Variants in HIVEP1 observed in about 807,000 individuals in gnomAD.
HIVEP1 encodes the protein HIVEP zinc finger 1.
A neutral mutation model predicts 180.0 loss-of-function variants in HIVEP1; 36 were observed. That is an observed-to-expected ratio of 0.20 (90% confidence interval 0.15 to 0.26). The LOEUF is 0.26. Ranked by LOEUF, HIVEP1 falls within the 10% of genes least tolerant of loss-of-function variation. The probability of loss-of-function intolerance (pLI) is 1.00; values close to 1 mark genes in which losing one functional copy is unlikely to be tolerated. For synonymous variants in HIVEP1, 1,239 were observed against 1,239.0 expected (o/e 1.00, Z 0.00); for missense variants, 3,143 against 3,268.7 (o/e 0.96, Z 0.94).
upstream of HIVEP1, among the ~76,000 whole-genome samples, chr6:12,010,917 C>T (rs1767240992): frequency 6.6e-6 from 1 of 152,140 alleles, no homozygotes; most frequent in South Asian, 2.1e-4. Flanking sequence ...CCCGGTCCGA[C>T]GACCAGCCCC....
At chr6:12,105,328 T>C (rs1774357713) in intron 3 of HIVEP1, among the ~76,000 whole-genome samples, 1 of 152,208 alleles carries the variant, frequency 6.6e-6, no homozygotes, top group Admixed American at 6.5e-5. Context: ...CATTTGTACC[T>C]TTATAGCTCC....
At chr6:12,054,749 A>G (rs1581590537) in intron 2 of HIVEP1, among the ~76,000 whole-genome samples, 1 of 152,296 alleles carries the variant, frequency 6.6e-6, no homozygotes. Flanking sequence ...ATTAACATAC[A>G]TGATTTCATG....
Position 12,109,869 on chromosome 6 carries a change from A to G in HIVEP1, c.95-10021A>G, listed in dbSNP as rs569781710. On this transcript the variant is annotated intron_variant, in intron 3 of 8. Coordinates refer to ENST00000379388, the MANE Select transcript of HIVEP1 (RefSeq NM_002114.4). ...AGCTCCATCAGAGGAATCACTGTCTATGACAGCTATCACCTTATGAAATGA... is the reference window on the plus strand; with the variant it reads ...AGCTCCATCAGAGGAATCACTGTCTGTGACAGCTATCACCTTATGAAATGA... Among the ~76,000 whole-genome samples the G allele has an allele frequency of 3.3e-4, 51 of 152,366 alleles. 1 individual carries two copies. In the South Asian group the frequency reaches 7.7e-3, roughly 23 times the overall value.
At chr6:12,210,286 C>T in the HIVEP1 span, among the ~76,000 whole-genome samples, 5 of 152,198 alleles carry the variant, frequency 3.3e-5, no homozygotes, top group Non-Finnish European at 7.3e-5. Flanking sequence ...TTACAAAGCA[C>T]GTTATGCCTC....
At chr6:12,154,962 T>G (rs1459757793) in intron 7 of HIVEP1, among the ~76,000 whole-genome samples, 2 of 152,260 alleles carry the variant, frequency 1.3e-5, no homozygotes, top group Non-Finnish European at 2.9e-5. Context: ...TTCTCTATTT[T>G]TCTTTTTTCA....
At chr6:12,126,434 T>C (rs548656574) in intron 4 of HIVEP1, among the ~76,000 whole-genome samples, 7 of 152,340 alleles carry the variant, frequency 4.6e-5, no homozygotes, top group Non-Finnish European at 8.8e-5. Flanking sequence ...ATAATTCATA[T>C]ACTTGGTAAG....
Position 12,061,460 on chromosome 6 carries a change from C to A in HIVEP1, c.41-27724C>A, listed in dbSNP as rs1771227070. Among the ~76,000 whole-genome samples the A allele has an allele frequency of 3.9e-5, 6 of 152,214 alleles. No individual in the cohort carries two copies. In the Middle Eastern group the frequency reaches 0.014, roughly 345 times the overall value. On this transcript the variant is annotated intron_variant, in intron 2 of 8. Transcript: ENST00000379388. ...TTACTAACCTGGTATCATTGTTATA[C>A]AGATATTACAGAGTGGTGTAGCTGG...
At chr6:12,198,924 C>A in the HIVEP1 span, among the ~76,000 whole-genome samples, 1 of 152,112 alleles carries the variant, frequency 6.6e-6, no homozygotes, top group African/African-American at 2.4e-5. Context: ...CAGAGGCCAA[C>A]GACAGACGCA....
At chr6:12,102,382 T>C (rs7768491) in intron 3 of HIVEP1, among the ~76,000 whole-genome samples, 16,096 of 152,108 alleles carry the variant, frequency 0.11, 969 homozygotes, top group Middle Eastern at 0.27. Context: ...ATTGAAATAA[T>C]ATAGTTTGCT....
At chr6:12,042,327 C>T (rs1474890296) in intron 2 of HIVEP1, among the ~76,000 whole-genome samples, 5 of 149,320 alleles carry the variant, frequency 3.3e-5, no homozygotes, top group South Asian at 2.1e-4. Context: ...ATGATCCACC[C>T]GCCTCGGCCT....
the HIVEP1 span, among the ~76,000 whole-genome samples, chr6:12,174,149 A>G: frequency 9.2e-5 from 14 of 152,318 alleles, no homozygotes; most frequent in African/African-American, 3.4e-4. Context: ...TGCAATCATA[A>G]TAATTATTGA....
At chr6:12,201,825 C>T in the HIVEP1 span, among the ~76,000 whole-genome samples, 1 of 151,982 alleles carries the variant, frequency 6.6e-6, no homozygotes, top group African/African-American at 2.4e-5. Flanking sequence ...AAGTTTTTTT[C>T]TAGTAGGTCC....
At position 12,135,882 on chromosome 6, in the gene HIVEP1, A is replaced by C; in HGVS notation, c.6477A>C (p.Thr2159=). The C allele has an allele frequency of 6.3e-7, 1 of 1,598,248 alleles. No homozygotes were observed. The highest frequency in any genetic ancestry group is 8.6e-7 in the Non-Finnish European group (1 of 1,166,118). ...TAGGTTTAATAGATGAACAGGATAC[A>C]GAAGAATCAGGTAAGGCTTTATACC... ...VSVGLIDEQD[T]EESDEKQRFS... The change falls in exon 7 of 9, where the codon ACA becomes ACC. Residue 2159 remains threonine (T), a synonymous_variant. Coordinates refer to ENST00000379388, the MANE Select transcript of HIVEP1 (RefSeq NM_002114.4).
chr6:12,016,001 A>G (rs1395556952), intron 2 of HIVEP1, among the ~76,000 whole-genome samples: 1 of 149,114 alleles, frequency 6.7e-6, no homozygotes, highest in African/African-American at 2.4e-5. Flanking sequence ...TTCTTTGCCA[A>G]CTGGATCATT....
intron 2 of HIVEP1, among the ~76,000 whole-genome samples, chr6:12,029,622 A>T (rs1033946098): frequency 3.3e-5 from 5 of 152,110 alleles, no homozygotes; most frequent in Admixed American, 6.5e-5. Flanking sequence ...CCTAGAGATT[A>T]TAATATGCAT....
At chr6:12,090,997 G>A (rs906091748) in intron 3 of HIVEP1, among the ~76,000 whole-genome samples, 7 of 151,950 alleles carry the variant, frequency 4.6e-5, no homozygotes, top group African/African-American at 1.5e-4. Flanking sequence ...TACCAAGTGA[G>A]CATTGTTCTG....
At chr6:12,183,044 T>G in the HIVEP1 span, among the ~76,000 whole-genome samples, 1 of 151,886 alleles carries the variant, frequency 6.6e-6, no homozygotes, top group Admixed American at 6.6e-5. Flanking sequence ...CATGGGGGAG[T>G]CTGTATCACA....
chr6:12,011,547 G>GC (rs1178207218), upstream of HIVEP1, among the ~76,000 whole-genome samples: 1 of 133,838 alleles, frequency 7.5e-6, no homozygotes, highest in Non-Finnish European at 1.6e-5. Flanking sequence ...CAGGGCTCCC[G>GC]CCCCCCGCGT....
chr6:12,065,575 C>G (rs1415349555), intron 2 of HIVEP1, among the ~76,000 whole-genome samples: 1 of 152,140 alleles, frequency 6.6e-6, no homozygotes, highest in Non-Finnish European at 1.5e-5. Context: ...CAAGCTGGTT[C>G]TTCCCCTGAC....
Sources: allele counts gnomAD v4.1 joint callset (sites outside exome capture counted in the v4.1 genomes callset), GRCh38; gene constraint gnomAD v4.1.1; transcripts MANE v1.5; gene names NCBI Gene and HGNC (gene_info 2026-07-23, HGNC 2026-07-21).